PAG1: variants seen among roughly 807,000 people sequenced by gnomAD.
The protein encoded by PAG1 is phosphoprotein associated with glycosphingolipid-enriched microdomains 1.
A neutral mutation model predicts 31.7 loss-of-function variants in PAG1; 23 were observed. The observed-to-expected ratio is 0.73, with a 90% CI of 0.52 to 1.03. The LOEUF (loss-of-function observed/expected upper bound fraction) is 1.03, where lower values mean the gene tolerates loss of function less well. Ranked by LOEUF, PAG1 falls within the 50% of genes least tolerant of loss-of-function variation. The pLI is 0.00. For synonymous variants in PAG1, 214 were observed against 210.3 expected (o/e 1.02, Z -0.15); for missense variants, 473 against 540.7 (o/e 0.87, Z 1.24).
intron 2 of PAG1, among the ~76,000 whole-genome samples, chr8:81,063,113 C>T (rs1057167899): frequency 1.3e-5 from 2 of 152,186 alleles, no homozygotes; most frequent in Non-Finnish European, 2.9e-5. Context: ...ATTTAAATAT[C>T]TAAAATGAAA....
rs955275227 is a variant in PAG1, at chr8:80,971,044, C to T, written c.*5500G>A. ...TGACTTCATGGCCTCATTCTTTAGA[C>T]TTACTCCTTAAAAGGACTAGATCCG... On this transcript the variant is annotated 3_prime_UTR_variant, in exon 9 of 9. Coordinates refer to ENST00000220597, the MANE Select transcript of PAG1 (RefSeq NM_018440.4). 6.6e-6 allele frequency: 1 copy of T among 152,476 alleles called. No homozygotes were observed. Among genetic ancestry groups the T allele is most frequent in the South Asian group, 2.1e-4 (1 of 4,822 alleles). The allele number at this position is 152,476 out of a possible 1,614,324, so 9.4% of individuals were successfully genotyped here. A position where few individuals can be genotyped will look rare whatever the true frequency, so the allele number is the denominator to read the frequency against.
At chr8:80,979,509 T>C (rs1022257253) in intron 8 of PAG1, among the ~76,000 whole-genome samples, 1 of 152,178 alleles carries the variant, frequency 6.6e-6, no homozygotes, top group Non-Finnish European at 1.5e-5. Context: ...TGCAACCAGA[T>C]AGACAGATGG....
intron 1 of PAG1, among the ~76,000 whole-genome samples, chr8:81,075,425 A>C (rs1169672279): frequency 3.3e-5 from 5 of 152,252 alleles, no homozygotes; most frequent in African/African-American, 1.2e-4. Flanking sequence ...TCATGAACCC[A>C]GACACTACCT....
At chr8:81,083,768 C>T (rs1809306706) in intron 1 of PAG1, among the ~76,000 whole-genome samples, 2 of 152,156 alleles carry the variant, frequency 1.3e-5, no homozygotes, top group Non-Finnish European at 1.5e-5. Context: ...GGTGTGGTGG[C>T]TTACACCTAT....
Position 80,985,147 on chromosome 8 carries a change from T to C in PAG1, c.505A>G (p.Ser169Gly). ...TCCACCATGTTTTCTTGGGAGGAGCTGTCCTTGAGCACTTCATAGGGCCCT... is the reference window on the plus strand; with the variant it reads ...TCCACCATGTTTTCTTGGGAGGAGCCGTCCTTGAGCACTTCATAGGGCCCT... Reference protein sequence around the residue: ...MEGPYEVLKDSSSQENMVEDC... With the variant: ...MEGPYEVLKDGSSQENMVEDC... Residue 169 changes from serine to glycine, a missense_variant, in exon 7 of 9, where the codon AGC (serine) becomes GGC (glycine). Physicochemically the swap from Ser to Gly is moderately conservative, Grantham distance 56 (BLOSUM62 0). Coordinates refer to ENST00000220597, the MANE Select transcript of PAG1 (RefSeq NM_018440.4). The C allele has an allele frequency of 6.2e-7, 1 of 1,614,172 alleles. No individual in the cohort carries two copies. The highest frequency in any genetic ancestry group is 8.5e-7 in the Non-Finnish European group (1 of 1,180,032).
chr8:81,045,694 T>C (rs544425269), intron 2 of PAG1, among the ~76,000 whole-genome samples: 1 of 152,400 alleles, frequency 6.6e-6, no homozygotes, highest in South Asian at 2.1e-4. Context: ...ATGTGAAAGA[T>C]ACTATATCTC....
intron 2 of PAG1, among the ~76,000 whole-genome samples, chr8:81,064,937 A>C (rs1201973021): frequency 6.6e-6 from 1 of 152,232 alleles, no homozygotes; most frequent in African/African-American, 2.4e-5. Flanking sequence ...AATTCCTAGA[A>C]GCCTCCTCTG....
intron 2 of PAG1, among the ~76,000 whole-genome samples, chr8:81,055,681 T>A (rs1050428354): frequency 6.6e-6 from 1 of 152,120 alleles, no homozygotes; most frequent in Non-Finnish European, 1.5e-5. Context: ...ACATCCCTTG[T>A]AAGTTGGATT....
At chr8:81,040,835 A>T (rs765169010) in intron 2 of PAG1, 1 of 152,190 alleles carries the variant, frequency 6.6e-6, no homozygotes, top group Non-Finnish European at 1.5e-5. Flanking sequence ...TCAAAGAAGG[A>T]ATATGGGCTC....
chr8:81,035,784 T>A (rs1253246641), intron 2 of PAG1, among the ~76,000 whole-genome samples: 1 of 151,944 alleles, frequency 6.6e-6, no homozygotes, highest in East Asian at 1.9e-4. Flanking sequence ...GTGGAACAGG[T>A]CTCTTATTTC....
chr8:80,994,248 T>C (rs1290473730), intron 3 of PAG1, among the ~76,000 whole-genome samples: 1 of 152,234 alleles, frequency 6.6e-6, no homozygotes, highest in Non-Finnish European at 1.5e-5. Context: ...TCTGAGTATG[T>C]TATGTATTCT....
At chr8:80,976,942 C>T in intron 8 of PAG1, 36 bp from the exon 9 acceptor site, 1 of 1,557,416 alleles carries the variant, frequency 6.4e-7, no homozygotes. Context: ...AAACTTCCAG[C>T]TGTGACTTCC....
intron 3 of PAG1, among the ~76,000 whole-genome samples, chr8:81,020,479 G>C (rs550916451): frequency 1.3e-5 from 2 of 152,118 alleles, no homozygotes; most frequent in Admixed American, 1.3e-4. Flanking sequence ...AATGGGTCTC[G>C]TGAGATCTGA....
Position 80,991,676 on chromosome 8 carries a change from A to G in PAG1, c.126-146T>C. ...ATTTTGTCAACAAAGACAAAATCAG[A>G]CAGTGATTTGATGGCCCGTTTGCAG... On this transcript the variant is annotated intron_variant, in intron 4 of 8. Transcript: ENST00000220597. The G allele has an allele frequency of 2.9e-6, 2 of 696,960 alleles. 1 individual carries two copies. The highest frequency in any genetic ancestry group is 3.3e-5 in the South Asian group (2 of 60,378). 43.2% of individuals were successfully genotyped at this position (696,960 alleles called of 1,614,324 possible).
chr8:81,009,464 A>G (rs1807942532), intron 3 of PAG1, among the ~76,000 whole-genome samples: 1 of 152,240 alleles, frequency 6.6e-6, no homozygotes, highest in African/African-American at 2.4e-5. Context: ...CTTAGGGACC[A>G]TAAGCTCTGA....
At chr8:80,987,200 GATTA>G (rs1807442470) in intron 6 of PAG1, among the ~76,000 whole-genome samples, 166 bp downstream of exon 6, 1 of 152,198 alleles carries the variant, frequency 6.6e-6, no homozygotes, top group Non-Finnish European at 1.5e-5. Flanking sequence ...CACAGAAGTG[GATTA>G]ATAAGTAGCA....
intron 8 of PAG1, among the ~76,000 whole-genome samples, chr8:80,978,915 T>A (rs1311782969): frequency 6.6e-6 from 1 of 152,266 alleles, no homozygotes; most frequent in African/African-American, 2.4e-5. Flanking sequence ...TGTTGCTATA[T>A]TCCCATAAGT....
At chr8:81,047,147 A>G (rs1808655135) in intron 2 of PAG1, among the ~76,000 whole-genome samples, 1 of 152,242 alleles carries the variant, frequency 6.6e-6, no homozygotes, top group Non-Finnish European at 1.5e-5. Flanking sequence ...TAGTACCGCA[A>G]TGAACATATG....
intron 3 of PAG1, among the ~76,000 whole-genome samples, chr8:81,019,233 C>A (rs1245023890): frequency 6.6e-6 from 1 of 152,180 alleles, no homozygotes; most frequent in Non-Finnish European, 1.5e-5. Flanking sequence ...AATTTGCAGC[C>A]TGATGATGCA....
Sources: gnomAD v4.1 joint callset for allele counts (sites outside exome capture counted in the v4.1 genomes callset) on GRCh38, gnomAD v4.1.1 for gene constraint, MANE v1.5 for transcripts, NCBI Gene and HGNC (gene_info 2026-07-23, HGNC 2026-07-21) for gene names.